PTPRN2: variants seen among roughly 807,000 people sequenced by gnomAD.
PTPRN2 encodes the protein receptor-type tyrosine-protein phosphatase N2.
A neutral mutation model predicts 118.8 loss-of-function variants in PTPRN2; 74 were observed. That is an observed-to-expected ratio of 0.62 (90% CI 0.52 to 0.76). PTPRN2 has a LOEUF of 0.76. Among genes scored for constraint, PTPRN2 ranks in the 30% least tolerant of loss-of-function variants. The pLI, the probability that PTPRN2 is intolerant of heterozygous loss-of-function variation, is 0.00. For missense variants in PTPRN2, 1,481 were observed against 1,394.4 expected, an observed-to-expected ratio of 1.06 and a Z score of -0.99; for synonymous variants, 641 against 608.0, an observed-to-expected ratio of 1.05 and a Z score of -0.80.
rs1232074423 is a variant in PTPRN2 at position 157,881,794 on chromosome 7, A to G, written c.1788+16879T>C. Among the ~76,000 whole-genome samples the G allele has an allele frequency of 6.6e-6, 1 of 152,188 alleles. No individual in the cohort carries two copies. Among genetic ancestry groups the G allele is most frequent in the East Asian group, 1.9e-4 (1 of 5,196 alleles). On this transcript the variant is annotated intron_variant, in intron 12 of 22. Transcript: ENST00000389418. The surrounding 1 kb of genome is among the most constrained non-coding windows in gnomAD (Gnocchi z 4.7). ...TCAGTAAAAGGGTTTGCACACACAC[A>G]ACCCTAATTAGACTTTTAATAGATC... is the stretch of plus-strand genomic sequence containing the variant.
intron 1 of PTPRN2, among the ~76,000 whole-genome samples, chr7:158,501,985 A>G (rs1233500720): frequency 2.0e-5 from 3 of 152,166 alleles, no homozygotes; most frequent in Admixed American, 1.3e-4. Flanking sequence ...GAGTGTCAGC[A>G]CTGAACACAA....
chr7:157,908,186 C>T (rs891650793), intron 11 of PTPRN2, among the ~76,000 whole-genome samples: 5 of 152,230 alleles, frequency 3.3e-5, no homozygotes, highest in Non-Finnish European at 5.9e-5. Context: ...ACTGCGCTGC[C>T]TGGCTCTTCC....
chr7:158,062,917 G>A (rs75206940), intron 11 of PTPRN2, among the ~76,000 whole-genome samples: 17,154 of 152,246 alleles, frequency 0.11, 2,451 homozygotes, highest in African/African-American at 0.34. Flanking sequence ...GCTCCGCGGC[G>A]CCCAGTCCCA....
intron 5 of PTPRN2, 138 bp downstream of exon 5, chr7:158,192,189 G>A (rs1825816884): frequency 3.9e-6 from 4 of 1,033,838 alleles, no homozygotes. Context: ...GAACACCGAA[G>A]CCCTGTTCAC....
chr7:157,661,904 C>G (rs916667736), intron 13 of PTPRN2, among the ~76,000 whole-genome samples: 1 of 152,228 alleles, frequency 6.6e-6, no homozygotes, highest in Admixed American at 6.5e-5. Context: ...TGCACCTCCA[C>G]AAAGCTGCCC....
chr7:157,947,496 G>A (rs1349282682), intron 11 of PTPRN2, among the ~76,000 whole-genome samples: 2 of 152,154 alleles, frequency 1.3e-5, no homozygotes, highest in East Asian at 3.9e-4. Flanking sequence ...GTGGTACCAG[G>A]GGGCAGTATG....
At chr7:157,567,533 G>C (rs572492963) in intron 21 of PTPRN2, among the ~76,000 whole-genome samples, 3 of 151,752 alleles carry the variant, frequency 2.0e-5, no homozygotes, top group African/African-American at 7.3e-5. Flanking sequence ...ACATATTTAT[G>C]TCTTTTTTTT....
chr7:157,836,690 T>C (rs1450671895), intron 12 of PTPRN2, among the ~76,000 whole-genome samples: 1 of 152,092 alleles, frequency 6.6e-6, no homozygotes, highest in East Asian at 1.9e-4. Context: ...AAGTGTTCAA[T>C]AGACACAAAA....
Position 157,618,426 on chromosome 7 carries a change from C to G in PTPRN2, c.2344+2936G>C, listed in dbSNP as rs1166483411. 1 of 152,354 alleles carries G rather than the reference C, an allele frequency of 6.6e-6. No homozygotes were observed. Among genetic ancestry groups the G allele is most frequent in the African/African-American group, 2.4e-5 (1 of 41,462 alleles). 9.4% of individuals were successfully genotyped at this position (152,354 alleles called of 1,614,324 possible). ...ATGCAGACTCGCTTCCATCGCGACA[C>G]AGAGGACAGCATGGAGCCCAGCTCG... On this transcript the variant is annotated intron_variant, in intron 15 of 22. Transcript: ENST00000389418. The surrounding 1 kb of genome is among the most constrained non-coding windows in gnomAD (Gnocchi z 4.2).
At chr7:158,062,558 G>A (rs1371868829) in intron 11 of PTPRN2, among the ~76,000 whole-genome samples, 1 of 152,032 alleles carries the variant, frequency 6.6e-6, no homozygotes, top group Non-Finnish European at 1.5e-5. Flanking sequence ...CTCTGCTTGT[G>A]GGGAGGTGTG....
intron 12 of PTPRN2, among the ~76,000 whole-genome samples, chr7:157,825,860 G>C (rs1202298868): frequency 6.6e-6 from 1 of 152,234 alleles, no homozygotes; most frequent in Non-Finnish European, 1.5e-5. Context: ...CAAGGCTCCA[G>C]GAGACAAAAA....
At chr7:158,239,101 C>G (rs1358789822) in intron 3 of PTPRN2, among the ~76,000 whole-genome samples, 1 of 152,172 alleles carries the variant, frequency 6.6e-6, no homozygotes, top group African/African-American at 2.4e-5. Flanking sequence ...CCCCATCACC[C>G]CGGGGTGGGG....
At position 158,419,930 on chromosome 7, in the gene PTPRN2, T is replaced by C. The variant is rs78351088; in HGVS notation, c.163+69805A>G. Reference sequence around the variant, plus strand: ...GTGATGCAATCCACCTATGTTAGCATTGGACCCCGAGCTGTGCCTGAACCT... The same window carrying C: ...GTGATGCAATCCACCTATGTTAGCACTGGACCCCGAGCTGTGCCTGAACCT... On this transcript the variant is annotated intron_variant, in intron 2 of 22. Coordinates refer to ENST00000389418, the MANE Select transcript of PTPRN2 (RefSeq NM_002847.5). 1.1e-3 allele frequency among the ~76,000 whole-genome samples: 174 copies of C among 152,290 alleles called. 4 individuals carry two copies. In the East Asian group the frequency reaches 0.029, roughly 26 times the overall value.
rs912159962 is a variant in PTPRN2 at position 157,855,206 on chromosome 7, C to T, written c.1788+43467G>A. On this transcript the variant is annotated intron_variant, in intron 12 of 22. Coordinates refer to ENST00000389418, the MANE Select transcript of PTPRN2 (RefSeq NM_002847.5). Reference sequence around the variant, plus strand: ...TGCAGGGGTGTGTGTGGGGCCGGATCGGGGAGGATGGCTGCACCATTGCAG... The same window carrying T: ...TGCAGGGGTGTGTGTGGGGCCGGATTGGGGAGGATGGCTGCACCATTGCAG... Among the ~76,000 whole-genome samples, 54 of 149,860 alleles carry T rather than the reference C, an allele frequency of 3.6e-4. 1 individual carries two copies. The highest frequency in any genetic ancestry group is 1.0e-3 in the African/African-American group (41 of 40,724).
At chr7:157,994,138 A>G (rs1397283996) in intron 11 of PTPRN2, among the ~76,000 whole-genome samples, 2 of 152,080 alleles carry the variant, frequency 1.3e-5, no homozygotes, top group African/African-American at 2.4e-5. Flanking sequence ...AATATTATTG[A>G]CACAGCGATA....
At chr7:157,670,109 C>A (rs1159446724) in intron 13 of PTPRN2, among the ~76,000 whole-genome samples, 1 of 152,190 alleles carries the variant, frequency 6.6e-6, no homozygotes, top group African/African-American at 2.4e-5. Context: ...GCTGGAGCAG[C>A]TGCATCGAGC....
intron 2 of PTPRN2, among the ~76,000 whole-genome samples, chr7:158,337,045 A>G (rs1805721239): frequency 4.0e-5 from 3 of 74,100 alleles, no homozygotes; most frequent in African/African-American, 1.2e-4. Context: ...CATCACTCAC[A>G]CCCACACTGT....
intron 1 of PTPRN2, among the ~76,000 whole-genome samples, chr7:158,512,230 T>C (rs761640139): frequency 1.3e-5 from 2 of 152,206 alleles, no homozygotes; most frequent in Non-Finnish European, 2.9e-5. Context: ...ATCCTGTCTA[T>C]AAGCACTGTG....
intron 21 of PTPRN2, among the ~76,000 whole-genome samples, chr7:157,566,616 C>A (rs1178915311): frequency 6.6e-6 from 1 of 152,248 alleles, no homozygotes; most frequent in Non-Finnish European, 1.5e-5. Flanking sequence ...CCCAGGCCAG[C>A]CCTCTTTGGC....
Sources: allele counts gnomAD v4.1 joint callset (sites outside exome capture counted in the v4.1 genomes callset), GRCh38; gene constraint gnomAD v4.1.1; non-coding constraint Gnocchi (gnomAD v3.1); transcripts MANE v1.5; gene names NCBI Gene and HGNC (gene_info 2026-07-23, HGNC 2026-07-21).